Variants in THSD4 observed in about 807,000 individuals in gnomAD.
The protein encoded by THSD4 is thrombospondin type-1 domain-containing protein 4.
A neutral mutation model predicts 119.0 loss-of-function variants in THSD4; 69 were observed. That is an observed-to-expected ratio of 0.58 (90% CI 0.48 to 0.71). The LOEUF is 0.71. Among genes scored for constraint, THSD4 ranks in the 30% least tolerant of loss-of-function variants. The pLI is 0.00. For synonymous variants in THSD4, 524 were observed against 540.4 expected, an observed-to-expected ratio of 0.97 and a Z score of 0.42; for missense variants, 1,393 against 1,391.1, an observed-to-expected ratio of 1.00 and a Z score of -0.02.
intron 7 of THSD4, among the ~76,000 whole-genome samples, chr15:71,621,515 C>T (rs563122917): frequency 1.4e-4 from 21 of 152,186 alleles, no homozygotes; most frequent in African/African-American, 4.8e-4. Flanking sequence ...AGGTAGTTTA[C>T]GGGGATGACA....
chr15:71,721,909 C>G (rs1002381144), intron 8 of THSD4, among the ~76,000 whole-genome samples: 2 of 142,404 alleles, frequency 1.4e-5, no homozygotes, highest in Non-Finnish European at 3.0e-5. Flanking sequence ...CCCAGGAGTT[C>G]GAGGTTACAG....
At chr15:71,447,759 A>C (rs1250069039) in intron 7 of THSD4, among the ~76,000 whole-genome samples, 1 of 152,214 alleles carries the variant, frequency 6.6e-6, no homozygotes, top group East Asian at 1.9e-4. Context: ...TGTTTTTCTC[A>C]TGGAACAACT....
intron 4 of THSD4, among the ~76,000 whole-genome samples, chr15:71,239,733 A>G (rs1382070376): frequency 6.6e-6 from 1 of 152,156 alleles, no homozygotes; most frequent in Non-Finnish European, 1.5e-5. Context: ...GCCTCGCCAC[A>G]TCTGTACTTA....
At chr15:71,653,901 TCTACC>T (rs1215266226) in intron 7 of THSD4, among the ~76,000 whole-genome samples, 15 of 152,296 alleles carry the variant, frequency 9.8e-5, no homozygotes, top group African/African-American at 3.6e-4. Context: ...TTTGGAAGCA[TCTACC>T]TGAGCCTTGG....
intron 7 of THSD4, among the ~76,000 whole-genome samples, chr15:71,447,802 C>T (rs1425186352): frequency 6.6e-6 from 1 of 152,132 alleles, no homozygotes; most frequent in East Asian, 1.9e-4. Flanking sequence ...AATAAACATG[C>T]ACTTACAATT....
chr15:71,548,683 T>C (rs2048878295), intron 7 of THSD4, among the ~76,000 whole-genome samples: 1 of 152,234 alleles, frequency 6.6e-6, no homozygotes, highest in African/African-American at 2.4e-5. Context: ...ACTGAATGGG[T>C]GAGTGATGCT....
chr15:71,434,867 T>TA (rs891303797), intron 7 of THSD4, among the ~76,000 whole-genome samples: 1 of 152,134 alleles, frequency 6.6e-6, no homozygotes, highest in African/African-American at 2.4e-5. Context: ...TTTAATTTTT[T>TA]AAAAAACTAA....
intron 7 of THSD4, among the ~76,000 whole-genome samples, chr15:71,471,340 A>G (rs2047576228): frequency 6.6e-6 from 1 of 152,176 alleles, no homozygotes; most frequent in South Asian, 2.1e-4. Context: ...CAGAGTTTCC[A>G]GAATGTCTGT....
intron 7 of THSD4, among the ~76,000 whole-genome samples, chr15:71,593,911 C>CA (rs1230014666): frequency 8.1e-6 from 1 of 123,628 alleles, no homozygotes; most frequent in Non-Finnish European, 1.9e-5. Context: ...CACCCCTTCC[C>CA]ACCCCCCCGG....
At chr15:71,610,262 C>T (rs2050198368) in intron 7 of THSD4, among the ~76,000 whole-genome samples, 1 of 152,232 alleles carries the variant, frequency 6.6e-6, no homozygotes, top group Admixed American at 6.5e-5. Context: ...ATGTGTCATG[C>T]CCACTACAGG....
intron 6 of THSD4, among the ~76,000 whole-genome samples, chr15:71,400,441 TG>T (rs1204131468): frequency 2.0e-5 from 3 of 152,148 alleles, no homozygotes; most frequent in African/African-American, 7.2e-5. Flanking sequence ...AAATGCAGTC[TG>T]GGGGAAAGCA....
chr15:71,538,007 A>G (rs1051667114), intron 7 of THSD4, among the ~76,000 whole-genome samples: 2 of 151,924 alleles, frequency 1.3e-5, no homozygotes, highest in African/African-American at 4.8e-5. Context: ...TGATCCACCT[A>G]CCTCGGCCTT....
chr15:71,717,813 G>A (rs1365608306), intron 8 of THSD4, among the ~76,000 whole-genome samples: 1 of 152,118 alleles, frequency 6.6e-6, no homozygotes, highest in Non-Finnish European at 1.5e-5. Flanking sequence ...TTGAGTGTCT[G>A]TTGGTCAGGT....
intron 7 of THSD4, among the ~76,000 whole-genome samples, chr15:71,537,834 C>T (rs891847823): frequency 1.3e-5 from 2 of 151,926 alleles, no homozygotes; most frequent in Non-Finnish European, 2.9e-5. Context: ...CACGTGTTCT[C>T]GACTCACTGC....
At chr15:71,297,970 T>C (rs2044889250) in intron 6 of THSD4, among the ~76,000 whole-genome samples, 2 of 152,222 alleles carry the variant, frequency 1.3e-5, no homozygotes, top group African/African-American at 4.8e-5. Context: ...TCTGTTTTTT[T>C]CCTTTCGTTG....
chr15:71,601,026 C>A (rs1235842775), intron 7 of THSD4, among the ~76,000 whole-genome samples: 1 of 152,180 alleles, frequency 6.6e-6, no homozygotes, highest in Non-Finnish European at 1.5e-5. Flanking sequence ...GCATTACAGG[C>A]ATGAGCCACT....
intron 7 of THSD4, among the ~76,000 whole-genome samples, chr15:71,617,944 A>T (rs2050347989): frequency 6.6e-6 from 1 of 152,180 alleles, no homozygotes; most frequent in South Asian, 2.1e-4. Context: ...CAAAGGGGCC[A>T]TTTACCAATT....
At chr15:71,500,992 G>T (rs1273036266) in intron 7 of THSD4, among the ~76,000 whole-genome samples, 2 of 152,132 alleles carry the variant, frequency 1.3e-5, no homozygotes, top group African/African-American at 4.8e-5. Flanking sequence ...TTTTAGAATT[G>T]TTTTTGCTAT....
At chr15:71,198,969 A>C (rs554634251) in intron 3 of THSD4, among the ~76,000 whole-genome samples, 2 of 152,344 alleles carry the variant, frequency 1.3e-5, no homozygotes, top group African/African-American at 4.8e-5. Flanking sequence ...CAACTGGCTT[A>C]AGAAGTTCTC....
Sources: allele counts gnomAD v4.1 joint callset (sites outside exome capture counted in the v4.1 genomes callset), GRCh38; gene constraint gnomAD v4.1.1; transcripts MANE v1.5; gene names NCBI Gene and HGNC (gene_info 2026-07-23, HGNC 2026-07-21).